Variants in NSG1 observed in about 807,000 individuals in gnomAD.
NSG1 encodes neuronal vesicle trafficking-associated protein 1.
Under a neutral mutation model 19.3 loss-of-function variants are expected in NSG1, and 9 were observed. That is an observed-to-expected ratio of 0.47 (90% confidence interval 0.28 to 0.81). The LOEUF is 0.81. Ranked by LOEUF, NSG1 falls within the 40% of genes least tolerant of loss-of-function variation. The probability of loss-of-function intolerance (pLI) is 0.11; values close to 1 mark genes in which losing one functional copy is unlikely to be tolerated. For missense variants in NSG1, 236 were observed against 242.4 expected (o/e 0.97, Z 0.18); for synonymous variants, 104 against 107.0 (o/e 0.97, Z 0.17).
rs967036264 is a variant in NSG1, at chr4:4,416,253, C to G, written c.358-982C>G. The G allele has an allele frequency of 4.3e-6, 3 of 700,824 alleles. No individual in the cohort carries two copies. In the Admixed American group the frequency reaches 6.0e-5, roughly 14 times the overall value. The allele number at this position is 700,824 out of a possible 1,614,324, so 43.4% of individuals were successfully genotyped here. ...GCTTCCCTTCTCCTGTAGCGCCGCCCTCCTGCCAGTGGCAGCCCCTGAACA... is the reference window on the plus strand; with the variant it reads ...GCTTCCCTTCTCCTGTAGCGCCGCCGTCCTGCCAGTGGCAGCCCCTGAACA... On this transcript the variant is annotated intron_variant, in intron 4 of 4. Transcript: ENST00000621129.
At chr4:4,400,841 A>C (rs1368613185) in intron 3 of NSG1, among the ~76,000 whole-genome samples, 1 of 152,240 alleles carries the variant, frequency 6.6e-6, no homozygotes, top group Non-Finnish European at 1.5e-5. Flanking sequence ...CAGTGTGTTA[A>C]TAAATGCATA....
At chr4:4,386,728 C>T (rs1394403652), upstream of NSG1, 3 of 152,482 alleles carry the variant, frequency 2.0e-5, no homozygotes, top group East Asian at 5.8e-4. Context: ...GTCCCCGCCT[C>T]CCCTTTCTCC....
chr4:4,388,112 C>T (rs913482333), intron 2 of NSG1, among the ~76,000 whole-genome samples: 6 of 152,208 alleles, frequency 3.9e-5, no homozygotes, highest in African/African-American at 1.4e-4. Flanking sequence ...CGGGGGTGAG[C>T]CTAGGGGCGG....
chr4:4,387,582 C>G (rs371187470), intron 1 of NSG1, 22 bp from the exon 2 acceptor site: 4 of 1,354,118 alleles, frequency 3.0e-6, no homozygotes, highest in Admixed American at 3.8e-5. Context: ...TGTGGTGACT[C>G]CCCCCGGCCC....
intron 2 of NSG1, among the ~76,000 whole-genome samples, chr4:4,388,183 C>A: frequency 6.6e-6 from 1 of 150,858 alleles, no homozygotes; most frequent in East Asian, 2.0e-4. Flanking sequence ...CCCACCGAGG[C>A]GGGGGAGCGT....
chr4:4,409,865 C>A (rs1166662749), intron 4 of NSG1, among the ~76,000 whole-genome samples, 182 bp downstream of exon 4: 1 of 152,216 alleles, frequency 6.6e-6, no homozygotes, highest in Non-Finnish European at 1.5e-5. Context: ...GGCAGGTAGG[C>A]AGGGGGCACA....
chr4:4,387,933 A>G (rs1454521113), intron 2 of NSG1, among the ~76,000 whole-genome samples, 175 bp downstream of exon 2: 1 of 150,634 alleles, frequency 6.6e-6, no homozygotes, highest in Admixed American at 6.6e-5. Flanking sequence ...GGATCGCGGG[A>G]TGCTGGGCGG....
At chr4:4,412,894 G>C (rs1028095474) in intron 4 of NSG1, among the ~76,000 whole-genome samples, 2 of 152,184 alleles carry the variant, frequency 1.3e-5, no homozygotes, top group Admixed American at 6.5e-5. Flanking sequence ...GGTAGCTTGG[G>C]TTTGGGTTTC....
intron 3 of NSG1, among the ~76,000 whole-genome samples, chr4:4,403,694 G>A (rs10023918): frequency 0.034 from 5,152 of 152,318 alleles, 278 homozygotes; most frequent in African/African-American, 0.12. Flanking sequence ...ACGACAGCCA[G>A]TTTGCCTGGG....
At chr4:4,415,705 CAGCCCTGAGCGG>C in intron 4 of NSG1, 1 of 158,378 alleles carries the variant, frequency 6.3e-6, no homozygotes, top group Non-Finnish European at 1.4e-5. Flanking sequence ...TCTCGTATGC[CAGCCCTGAGCGG>C]GGCCGCCACT....
chr4:4,403,897 G>T (rs1560144088), intron 3 of NSG1, among the ~76,000 whole-genome samples: 1 of 152,194 alleles, frequency 6.6e-6, no homozygotes, highest in Admixed American at 6.5e-5. Context: ...GGGGGGTGTA[G>T]CTCGAGAGCC....
chr4:4,402,548 C>T (rs553281941), intron 3 of NSG1, among the ~76,000 whole-genome samples: 30 of 151,916 alleles, frequency 2.0e-4, no homozygotes, highest in South Asian at 1.5e-3. Flanking sequence ...CCACTACACC[C>T]GGCTAATTTT....
chr4:4,393,989 C>T (rs552162181), intron 3 of NSG1, among the ~76,000 whole-genome samples: 18 of 152,324 alleles, frequency 1.2e-4, no homozygotes, highest in South Asian at 1.0e-3. Context: ...CTAACAGTGA[C>T]GGAGTGATCC....
chr4:4,388,346 C>T (rs1245027065), intron 2 of NSG1, among the ~76,000 whole-genome samples: 1 of 152,210 alleles, frequency 6.6e-6, no homozygotes, highest in East Asian at 1.9e-4. Flanking sequence ...AAATAAGTGC[C>T]CGGGCTCGCT....
chr4:4,395,511 G>C (rs956069768), intron 3 of NSG1, among the ~76,000 whole-genome samples: 5 of 152,208 alleles, frequency 3.3e-5, no homozygotes, highest in Non-Finnish European at 7.3e-5. Flanking sequence ...AGGCGTGTGT[G>C]AAGCTGCAGC....
rs1243633293 is a variant in NSG1 at position 4,417,740 on chromosome 4, G to A, written c.*305G>A. The A allele has an allele frequency of 2.5e-6, 1 of 393,436 alleles. No individual in the cohort carries two copies. Among genetic ancestry groups the A allele is most frequent in the South Asian group, 2.4e-5 (1 of 41,470 alleles). 24.4% of individuals were successfully genotyped at this position (393,436 alleles called of 1,614,324 possible). On this transcript the variant is annotated 3_prime_UTR_variant, in exon 5 of 5. Coordinates refer to ENST00000621129, the MANE Select transcript of NSG1 (RefSeq NM_014392.5). ...ATAAATTTACACTGGATATGCGAAG[G>A]GTTTGGATCTCAGATAAATGCATTT...
At chr4:4,407,797 C>G (rs1211924248) in intron 3 of NSG1, among the ~76,000 whole-genome samples, 1 of 152,082 alleles carries the variant, frequency 6.6e-6, no homozygotes, top group East Asian at 1.9e-4. Flanking sequence ...GTCTGTGGCT[C>G]AGAGAGGTTA....
chr4:4,393,704 G>A (rs1005042425), intron 3 of NSG1, among the ~76,000 whole-genome samples: 10 of 152,152 alleles, frequency 6.6e-5, no homozygotes, highest in Admixed American at 2.6e-4. Context: ...CCCTTTACAC[G>A]TAAGGCTGTT....
At chr4:4,388,130 T>C (rs1722831803) in intron 2 of NSG1, among the ~76,000 whole-genome samples, 1 of 146,326 alleles carries the variant, frequency 6.8e-6, no homozygotes, top group Non-Finnish European at 1.5e-5. Context: ...CGGGCGAGGC[T>C]GCCCCTGTAC....
Sources: allele counts gnomAD v4.1 joint callset (sites outside exome capture counted in the v4.1 genomes callset), GRCh38; gene constraint gnomAD v4.1.1; transcripts MANE v1.5; gene names NCBI Gene and HGNC (gene_info 2026-07-23, HGNC 2026-07-21).